The following AKAP13 variants were observed in gnomAD, a reference collection of about 807,000 sequenced individuals.
The protein encoded by AKAP13 is A-kinase anchoring protein 13.
AKAP13 carries 80 observed loss-of-function variants against 264.5 expected under a neutral mutation model. That is an observed-to-expected ratio of 0.30 (90% CI 0.25 to 0.36). The LOEUF is 0.36. Among genes scored for constraint, AKAP13 ranks in the 10% least tolerant of loss-of-function variants. The pLI is 1.00. For synonymous variants in AKAP13, 1,380 were observed against 1,250.2 expected, an observed-to-expected ratio of 1.10 and a Z score of -2.19; for missense variants, 3,712 against 3,435.2, an observed-to-expected ratio of 1.08 and a Z score of -2.01.
intron 1 of AKAP13, among the ~76,000 whole-genome samples, chr15:85,424,167 C>A (rs1206083024): frequency 6.6e-6 from 1 of 152,168 alleles, no homozygotes; most frequent in African/African-American, 2.4e-5. Context: ...TCAGCTTGTC[C>A]TTTGAGGTTT....
rs528153415 is a variant in AKAP13, at chr15:85,730,820, C to G, written c.7282+113C>G. The G allele has an allele frequency of 2.2e-4, 198 of 914,610 alleles. 1 individual carries two copies. In the Middle Eastern group the frequency reaches 3.9e-3, roughly 18 times the overall value. 56.7% of individuals were successfully genotyped at this position (914,610 alleles called of 1,614,324 possible). A position where few individuals can be genotyped will look rare whatever the true frequency, so the allele number is the denominator to read the frequency against. ...TTTAAAGCACAAATGCAGAAAATTA[C>G]CCAAAACAAATATTTCACTATAGTA... On this transcript the variant is annotated intron_variant, in intron 30 of 36. Transcript: ENST00000394518.
At chr15:85,389,150 A>G (rs1221018237) in intron 1 of AKAP13, among the ~76,000 whole-genome samples, 1 of 152,120 alleles carries the variant, frequency 6.6e-6, no homozygotes, top group Non-Finnish European at 1.5e-5. Context: ...TACAATATGC[A>G]TGCTTGGCTT....
chr15:85,481,764 T>C (rs2075359478), intron 1 of AKAP13, among the ~76,000 whole-genome samples: 1 of 152,234 alleles, frequency 6.6e-6, no homozygotes, highest in African/African-American at 2.4e-5. Context: ...CTAGGCAACC[T>C]GTAGGGTTCC....
chr15:85,744,731 T>A lies in AKAP13; in HGVS notation c.*54T>A, dbSNP rs1349357535. 2.0e-6 allele frequency: 3 copies of A among 1,507,592 alleles called. No homozygotes were observed. The African/African-American group carries it at 4.2e-5, about 21-fold the overall frequency. 93.4% of individuals were successfully genotyped at this position (1,507,592 alleles called of 1,614,324 possible). ...CTCCTGATCCTGGCCAGCCCACCTC[T>A]CCTGCTGTCCCCGCGTGCACAAGTC... On this transcript the variant is annotated 3_prime_UTR_variant, in exon 37 of 37. Transcript: ENST00000394518.
chr15:85,597,874 A>C (rs940007561), intron 8 of AKAP13, among the ~76,000 whole-genome samples: 1 of 151,990 alleles, frequency 6.6e-6, no homozygotes, highest in South Asian at 2.1e-4. Flanking sequence ...GGTTTGTGTA[A>C]TTCCAGCGTT....
chr15:85,649,951 C>G (rs1474267961), intron 10 of AKAP13, among the ~76,000 whole-genome samples: 1 of 151,984 alleles, frequency 6.6e-6, no homozygotes, highest in African/African-American at 2.4e-5. Flanking sequence ...AAGGTCCTTC[C>G]ATGTTATTTT....
intron 8 of AKAP13, among the ~76,000 whole-genome samples, chr15:85,616,536 G>A (rs950393885): frequency 7.9e-5 from 12 of 152,160 alleles, no homozygotes; most frequent in African/African-American, 2.9e-4. Flanking sequence ...GCTGCAGAAA[G>A]AAAGGAAAGA....
chr15:85,385,634 A>G (rs1213232681), intron 1 of AKAP13, among the ~76,000 whole-genome samples: 5 of 152,202 alleles, frequency 3.3e-5, no homozygotes, highest in African/African-American at 1.2e-4. Flanking sequence ...ATCACACGGA[A>G]TGTAGCCTTT....
In AKAP13 at chr15:85,553,703, A is replaced by G. The variant is rs138807360; in HGVS notation, c.662+9748A>G. Among the ~76,000 whole-genome samples the G allele has an allele frequency of 6.4e-3, 970 of 152,322 alleles. 11 individuals are homozygous for G. The highest frequency in any genetic ancestry group is 0.022 in the African/African-American group (909 of 41,574). The stretch of plus-strand genomic sequence containing the variant: ...ATCAGGGGTCCCCACCGCCTAGGCT[A>G]CAGACTGGTACTGGTCCATGGACTG... On this transcript the variant is annotated intron_variant, in intron 5 of 36. Transcript: ENST00000394518.
At chr15:85,388,119 G>A (rs1417671696) in intron 1 of AKAP13, among the ~76,000 whole-genome samples, 7 of 150,824 alleles carry the variant, frequency 4.6e-5, no homozygotes, top group Admixed American at 1.3e-4. Context: ...ACTGCAACCT[G>A]TGGCCCCCCA....
rs1306948917 is a variant in AKAP13, at chr15:85,580,309, A to G, written c.2241A>G (p.Lys747=). 5 of 1,614,120 alleles carry G rather than the reference A, an allele frequency of 3.1e-6. No homozygotes were observed. In the African/African-American group the frequency reaches 4.0e-5, roughly 13 times the overall value. The stretch of plus-strand genomic sequence containing the variant: ...ACAAAGGCCAACGAAAAGATGTGAA[A>G]CTAGATAAACCTTTAACAAATATGC... ...VDNKGQRKDV[K]LDKPLTNMLE... Residue 747 remains lysine (K), a synonymous_variant, in exon 7 of 37, where the codon AAA becomes AAG. Transcript: ENST00000394518.
rs57541834 is a variant in AKAP13 at position 85,545,946 on chromosome 15, A to G, written c.662+1991A>G. Among the ~76,000 whole-genome samples, 538 of 152,236 alleles carry G rather than the reference A, an allele frequency of 3.5e-3. 4 individuals carry two copies. Among genetic ancestry groups the G allele is most frequent in the African/African-American group, 0.012 (508 of 41,534 alleles). On this transcript the variant is annotated intron_variant, in intron 5 of 36. Transcript: ENST00000394518. Reference sequence around the variant, plus strand: ...ACAGAGTTACGTAACCATCACCACTATTATTTCCAGAACTTTGTCATCACC... The same window carrying G: ...ACAGAGTTACGTAACCATCACCACTGTTATTTCCAGAACTTTGTCATCACC...
intron 3 of AKAP13, among the ~76,000 whole-genome samples, chr15:85,532,477 A>G (rs928160230): frequency 5.3e-5 from 8 of 152,186 alleles, no homozygotes; most frequent in South Asian, 2.1e-4. Context: ...TGGCACGTGC[A>G]TGGGTGCCCA....
intron 8 of AKAP13, among the ~76,000 whole-genome samples, chr15:85,627,062 C>T (rs1186480564): frequency 6.6e-6 from 1 of 152,144 alleles, no homozygotes; most frequent in Non-Finnish European, 1.5e-5. Context: ...TTCCAAACCA[C>T]CCCATCTGCG....
intron 1 of AKAP13, among the ~76,000 whole-genome samples, chr15:85,466,799 C>G (rs1939468246): frequency 1.3e-5 from 2 of 152,270 alleles, no homozygotes; most frequent in South Asian, 4.1e-4. Flanking sequence ...AGTTGTTAAG[C>G]TTTGGAATCT....
chr15:85,597,143 C>G (rs2079854692), intron 8 of AKAP13, among the ~76,000 whole-genome samples: 1 of 152,178 alleles, frequency 6.6e-6, no homozygotes, highest in Non-Finnish European at 1.5e-5. Context: ...GATTCTATAA[C>G]TATGGGAATC....
At chr15:85,558,740 G>GTT (rs1462723666) in intron 5 of AKAP13, among the ~76,000 whole-genome samples, 32 of 152,232 alleles carry the variant, frequency 2.1e-4, no homozygotes, top group Admixed American at 1.9e-3. Flanking sequence ...TTTCTATCAT[G>GTT]TTTAAGTTTC....
intron 8 of AKAP13, among the ~76,000 whole-genome samples, chr15:85,592,399 C>T (rs1482474497): frequency 6.6e-6 from 1 of 152,186 alleles, no homozygotes; most frequent in Non-Finnish European, 1.5e-5. Context: ...ACTAATCCAA[C>T]AACTTATAAT....
At chr15:85,559,812 T>C (rs2151258457) in intron 5 of AKAP13, among the ~76,000 whole-genome samples, 1 of 152,238 alleles carries the variant, frequency 6.6e-6, no homozygotes, top group East Asian at 1.9e-4. Context: ...CTGTGTGGCC[T>C]AACACGCCAT....
Sources: gnomAD v4.1 joint callset for allele counts (sites outside exome capture counted in the v4.1 genomes callset) on GRCh38, gnomAD v4.1.1 for gene constraint, MANE v1.5 for transcripts, NCBI Gene and HGNC (gene_info 2026-07-23, HGNC 2026-07-21) for gene names.